Variants in DST observed in about 807,000 individuals in gnomAD.
The protein encoded by DST is bullous pemphigoid antigen.
Under a neutral mutation model 875.2 loss-of-function variants are expected in DST, and 253 were observed. The ratio of observed to expected loss-of-function variants is 0.29; its 90% CI spans 0.26 to 0.32. The LOEUF is 0.32. Among genes scored for constraint, DST ranks in the 10% least tolerant of loss-of-function variants. The pLI is 1.00. For synonymous variants in DST, 3,124 were observed against 3,197.1 expected, an observed-to-expected ratio of 0.98 and a Z score of 0.77; for missense variants, 8,287 against 9,111.6, an observed-to-expected ratio of 0.91 and a Z score of 3.68.
In DST at chr6:56,548,425, T is replaced by C. The variant is rs2097264728; in HGVS notation, c.16608+3759A>G. ...TATGGTGATAATGGTTACTTCATAA[T>C]GATCAGAAGACCTGATTGGCTGTTA... is the stretch of plus-strand genomic sequence containing the variant. On this transcript the variant is annotated intron_variant, in intron 61 of 103. Coordinates refer to ENST00000680361, the MANE Select transcript of DST (RefSeq NM_001374736.1). 2.0e-5 allele frequency among the ~76,000 whole-genome samples: 3 copies of C among 152,242 alleles called. No individual in the cohort carries two copies. The South Asian group carries it at 6.2e-4, about 32-fold the overall frequency.
intron 2 of DST, among the ~76,000 whole-genome samples, chr6:56,925,867 C>T (rs1424689462): frequency 2.0e-5 from 3 of 152,126 alleles, no homozygotes; most frequent in African/African-American, 4.8e-5. Context: ...ATCATCATTT[C>T]CTGAAGCAGA....
At chr6:56,625,737 TAAAA>T (rs557564533) in intron 34 of DST, among the ~76,000 whole-genome samples, 1 of 140,348 alleles carries the variant, frequency 7.1e-6, no homozygotes, top group African/African-American at 2.6e-5. Context: ...CCTACTTATT[TAAAA>T]AAAAAAAAAA....
rs1338245723 is a variant in DST at position 56,553,325 on chromosome 6, T to C, written c.15467A>G (p.Glu5156Gly). Residue 5156 changes from glutamate to glycine, a missense_variant, in exon 61 of 104, where the codon GAA becomes GGA. Glu to Gly is a moderately conservative substitution (Grantham distance 98, BLOSUM62 -2). Around this residue, in one of 10 missense-constraint regions of DST, gnomAD observed 1,513 missense variants for 1,677.8 expected, o/e 0.90. Transcript: ENST00000680361. ...NWDTFNKQVKERENKLKESLE... is the reference protein window; with the variant it reads ...NWDTFNKQVKGRENKLKESLE... ...TGACTCTTTTAACTTGTTTTCTCTT[T>C]CTTTCACCTGCTTATTAAATGTATC... 3 of 1,612,378 alleles carry C rather than the reference T, an allele frequency of 1.9e-6. No individual in the cohort carries two copies. The highest frequency in any genetic ancestry group is 1.7e-5 in the Admixed American group (1 of 59,706).
At chr6:56,671,958 G>A (rs886562890) in intron 9 of DST, among the ~76,000 whole-genome samples, 1 of 152,152 alleles carries the variant, frequency 6.6e-6, no homozygotes, top group African/African-American at 2.4e-5. Context: ...ATGAGGAGGA[G>A]GCAGAAGCAG....
At chr6:56,779,367 G>A (rs529554736) in intron 4 of DST, among the ~76,000 whole-genome samples, 1 of 152,114 alleles carries the variant, frequency 6.6e-6, no homozygotes, top group Admixed American at 6.5e-5. Context: ...TTCTTTTGCT[G>A]TGCAGAAGCT....
intron 4 of DST, among the ~76,000 whole-genome samples, chr6:56,819,306 C>T (rs1049603559): frequency 2.6e-5 from 4 of 152,272 alleles, no homozygotes; most frequent in Admixed American, 6.5e-5. Context: ...AGTCTCTGAA[C>T]TTCCAGGGTA....
rs933600945 is a variant in DST at position 56,954,829 on chromosome 6, T to G, written c.-242A>C. ...CAGCAGACAGCGACGAGGCTGCGAC[T>G]CGGCGGCTGGGATCCTCTCCCCTCC... On this transcript the variant is annotated 5_prime_UTR_variant, in exon 1 of 104. Coordinates refer to ENST00000680361, the MANE Select transcript of DST (RefSeq NM_001374736.1). Among the ~76,000 whole-genome samples the G allele has an allele frequency of 3.3e-5, 5 of 149,526 alleles. No individual in the cohort carries two copies. Among genetic ancestry groups the G allele is most frequent in the Non-Finnish European group, 6.0e-5 (4 of 66,918 alleles).
chr6:56,572,892 G>T lies in DST; in HGVS notation c.13409C>A (p.Ala4470Asp), dbSNP rs745389457. 2 of 1,613,396 alleles carry T rather than the reference G, an allele frequency of 1.2e-6. No homozygotes were observed. Among genetic ancestry groups the T allele is most frequent in the South Asian group, 2.2e-5 (2 of 91,014 alleles). The change falls in exon 52 of 104, where the codon GCC (alanine) becomes GAC (aspartate). Residue 4470 changes from alanine (A) to aspartate (D), a missense_variant. Physicochemically the swap from Ala to Asp is moderately radical, Grantham distance 126. Transcript: ENST00000680361. The part of the protein sequence containing the change: ...EASHKHKETL[A>D]KMEELKTKVE... ...TTTGGTTTTTAGCTCCTCCATTTTG[G>T]CAAGAGTTTCTTTGTGTTTATGACT...
At chr6:56,749,165 C>CTTT (rs2099580486) in intron 4 of DST, among the ~76,000 whole-genome samples, 1 of 152,000 alleles carries the variant, frequency 6.6e-6, no homozygotes, top group Non-Finnish European at 1.5e-5. Flanking sequence ...TAAGGCTGGC[C>CTTT]AACATGGTGA....
chr6:56,806,471 A>G (rs899121342), intron 4 of DST, among the ~76,000 whole-genome samples: 2 of 152,386 alleles, frequency 1.3e-5, no homozygotes, highest in Admixed American at 6.5e-5. Context: ...GGCCTAATCA[A>G]TGGTATTAAC....
chr6:56,480,583 G>A (rs186887463), intron 90 of DST, among the ~76,000 whole-genome samples: 2 of 152,270 alleles, frequency 1.3e-5, no homozygotes, highest in Admixed American at 1.3e-4. Context: ...TTCTTTGAAT[G>A]GTGAATGGTG....
intron 4 of DST, among the ~76,000 whole-genome samples, chr6:56,758,528 A>C (rs1395865106): frequency 6.6e-6 from 1 of 152,202 alleles, no homozygotes; most frequent in East Asian, 1.9e-4. Context: ...AGAAATTCAA[A>C]CCAGGTACAA....
At chr6:56,655,798 ATTTCCTCCAGGAAGTAC>A (rs2099004639) in intron 10 of DST, among the ~76,000 whole-genome samples, 1 of 152,032 alleles carries the variant, frequency 6.6e-6, no homozygotes, top group African/African-American at 2.4e-5. Flanking sequence ...TTCCACCACC[ATTTCCTCCAGGAAGTAC>A]TTTCCTCTGT....
intron 87 of DST, among the ~76,000 whole-genome samples, chr6:56,485,815 CT>C (rs954560832): frequency 3.3e-5 from 5 of 152,050 alleles, no homozygotes; most frequent in African/African-American, 1.2e-4. Flanking sequence ...TTGGTATACA[CT>C]TCTATACATT....
At chr6:56,796,329 T>G (rs538405493) in intron 4 of DST, among the ~76,000 whole-genome samples, 2 of 152,214 alleles carry the variant, frequency 1.3e-5, no homozygotes, top group African/African-American at 4.8e-5. Context: ...CAGCTGTGAA[T>G]AGCATTTACT....
Position 56,609,043 on chromosome 6 carries a change from C to T in DST, c.5585G>A (p.Ser1862Asn). 6.2e-7 allele frequency: 1 copy of T among 1,613,810 alleles called. No homozygotes were observed. The highest frequency in any genetic ancestry group is 8.5e-7 in the Non-Finnish European group (1 of 1,179,792). ...TIPVLDALAQ[S>N]MITESMAIKV... ...GATGGCCATGGATTCTGTTATCATG[C>T]TTTGAGCTAGAGCATCCAGTACTGG... Residue 1862 changes from serine (S) to asparagine (N), a missense_variant, in exon 40 of 104, where the codon AGC becomes AAC. Transcript: ENST00000680361.
intron 73 of DST, among the ~76,000 whole-genome samples, chr6:56,510,642 T>C (rs1239327513): frequency 6.6e-6 from 1 of 152,154 alleles, no homozygotes; most frequent in African/African-American, 2.4e-5. Flanking sequence ...AAAGGAATAA[T>C]CACACAGGAT....
At chr6:56,892,937 G>C (rs982091176) in intron 3 of DST, among the ~76,000 whole-genome samples, 1 of 152,164 alleles carries the variant, frequency 6.6e-6, no homozygotes, top group Non-Finnish European at 1.5e-5. Flanking sequence ...ATTCTATGCA[G>C]GTCTTTCCAT....
At position 56,601,516 on chromosome 6, in the gene DST, T is replaced by C. The variant is rs1213285751; in HGVS notation, c.11468A>G (p.Gln3823Arg). The change falls in exon 44 of 104, where the codon CAG becomes CGG. Residue 3823 changes from glutamine (Q) to arginine (R), a missense_variant. This residue lies in a region of DST where 3,138 missense variants were observed against 3,116.6 expected (regional missense o/e 1.01). Coordinates refer to ENST00000680361, the MANE Select transcript of DST (RefSeq NM_001374736.1). The stretch of plus-strand genomic sequence containing the variant: ...TTCCACCTGGGTAGTTACTGACTCC[T>C]GTACATCAAGAAAACACTTCTGAGT... ...NTTQKCFLDV[Q>R]ESVTTQVERL... 10 of 1,606,314 alleles carry C rather than the reference T, an allele frequency of 6.2e-6. No individual in the cohort carries two copies. The highest frequency in any genetic ancestry group is 2.7e-5 in the African/African-American group (2 of 74,804).
Sources: allele counts gnomAD v4.1 joint callset (sites outside exome capture counted in the v4.1 genomes callset), GRCh38; gene constraint gnomAD v4.1.1; regional missense constraint gnomAD v4.1.1; transcripts MANE v1.5; gene names NCBI Gene and HGNC (gene_info 2026-07-23, HGNC 2026-07-21).